PHACTR2: variants seen among roughly 807,000 people sequenced by gnomAD.
PHACTR2 encodes the protein chromosome 6 open reading frame 56.
Under a neutral mutation model 76.0 loss-of-function variants are expected in PHACTR2, and 30 were observed. That is an observed-to-expected ratio of 0.39 (90% CI 0.30 to 0.54). The LOEUF (loss-of-function observed/expected upper bound fraction) is 0.54, where lower values mean the gene tolerates loss of function less well. PHACTR2 is among the 20% of genes least tolerant of loss of function. The pLI is 0.61. For synonymous variants in PHACTR2, 292 were observed against 292.5 expected (o/e 1.00, Z 0.02); for missense variants, 696 against 781.1 (o/e 0.89, Z 1.30).
intron 5 of PHACTR2, among the ~76,000 whole-genome samples, chr6:143,762,392 A>C (rs1779463405): frequency 6.6e-6 from 1 of 151,914 alleles, no homozygotes; most frequent in Non-Finnish European, 1.5e-5. Flanking sequence ...TTATTTAGGC[A>C]CTCATGATGC....
At chr6:143,650,894 CA>C (rs1776752428) in intron 1 of PHACTR2, among the ~76,000 whole-genome samples, 1 of 152,038 alleles carries the variant, frequency 6.6e-6, no homozygotes, top group African/African-American at 2.4e-5. Context: ...AATGAACAGA[CA>C]ACCTACAGAA....
intron 1 of PHACTR2, among the ~76,000 whole-genome samples, chr6:143,637,658 G>A (rs1424483488): frequency 6.6e-6 from 1 of 152,238 alleles, no homozygotes; most frequent in Admixed American, 6.5e-5. Context: ...GTGGAGGCTT[G>A]ACTGGGGAAA....
chr6:143,575,431 T>C (rs1775494584), intron 1 of PHACTR2, among the ~76,000 whole-genome samples: 1 of 152,238 alleles, frequency 6.6e-6, no homozygotes, highest in Non-Finnish European at 1.5e-5. Context: ...ATCTGTCCTT[T>C]ATATTCTTGA....
intron 9 of PHACTR2, among the ~76,000 whole-genome samples, chr6:143,779,004 T>C (rs963489794): frequency 5.9e-5 from 9 of 152,246 alleles, no homozygotes; most frequent in African/African-American, 2.2e-4. Flanking sequence ...CCAGCCCTTT[T>C]TTTCCTTCCT....
chr6:143,624,614 T>G lies in PHACTR2; in HGVS notation c.13+16292T>G, dbSNP rs1258682264. Among the ~76,000 whole-genome samples, 4 of 152,166 alleles carry G rather than the reference T, an allele frequency of 2.6e-5. No individual in the cohort carries two copies. In the East Asian group the frequency reaches 5.8e-4, roughly 22 times the overall value. The stretch of plus-strand genomic sequence containing the variant: ...GCAGTTTATTTTCATGGTATGCGGC[T>G]TTTTTCACATGGCTAAATTCCAGCC... On this transcript the variant is annotated intron_variant, in intron 1 of 11. Transcript: ENST00000305766. This position sits in a 1 kb window ranked among gnomAD's most constrained non-coding sequence, Gnocchi z 4.6.
In PHACTR2 at chr6:143,818,695, G is replaced by A. The variant is rs1032370312; in HGVS notation, c.1923-4979G>A. On this transcript the variant is annotated intron_variant, in intron 12 of 12. Coordinates refer to ENST00000440869, the MANE Select transcript of PHACTR2 (RefSeq NM_001100164.2). This position sits in a 1 kb window ranked among gnomAD's most constrained non-coding sequence, Gnocchi z 4.9. ...GGCAGCAGGAGAGAGAATGAGTGCC[G>A]AGTGCAGGGAGAAGCCCAATCAGAT... Among the ~76,000 whole-genome samples the A allele has an allele frequency of 7.8e-4, 119 of 152,096 alleles. 1 individual carries two copies. Among genetic ancestry groups the A allele is most frequent in the Non-Finnish European group, 2.1e-4 (14 of 68,024 alleles).
At chr6:143,714,201 C>G (rs1261634351) in intron 2 of PHACTR2, among the ~76,000 whole-genome samples, 1 of 152,132 alleles carries the variant, frequency 6.6e-6, no homozygotes, top group Non-Finnish European at 1.5e-5. Context: ...ATGAAGTACA[C>G]CTTAGGCCAG....
At chr6:143,670,194 G>A (rs1218546240) in intron 1 of PHACTR2, among the ~76,000 whole-genome samples, 2 of 152,196 alleles carry the variant, frequency 1.3e-5, no homozygotes, top group African/African-American at 4.8e-5. Context: ...GGCTTGTAGG[G>A]TTTATGCAGA....
intron 12 of PHACTR2, among the ~76,000 whole-genome samples, chr6:143,813,906 C>T (rs1776240892): frequency 6.6e-6 from 1 of 152,136 alleles, no homozygotes; most frequent in African/African-American, 2.4e-5. Flanking sequence ...ACACGTATAA[C>T]TTTTGATTCT....
intron 2 of PHACTR2, among the ~76,000 whole-genome samples, chr6:143,713,863 C>T (rs1778241131): frequency 6.6e-6 from 1 of 152,148 alleles, no homozygotes; most frequent in Admixed American, 6.5e-5. Context: ...TGGCTCTTCA[C>T]GTTACCAAGA....
chr6:143,630,757 C>A (rs1398612583), intron 1 of PHACTR2, among the ~76,000 whole-genome samples: 1 of 152,156 alleles, frequency 6.6e-6, no homozygotes, highest in African/African-American at 2.4e-5. Flanking sequence ...AAAATTGAAA[C>A]TAATAAGTGA....
At chr6:143,593,684 A>C (rs1414901711) in intron 1 of PHACTR2, among the ~76,000 whole-genome samples, 1 of 152,172 alleles carries the variant, frequency 6.6e-6, no homozygotes, top group African/African-American at 2.4e-5. Context: ...AATGTAGATC[A>C]CTGAAATGTT....
chr6:143,608,751 G>C lies in PHACTR2; in HGVS notation c.13+429G>C, dbSNP rs1335938831. Among the ~76,000 whole-genome samples, 1 of 152,170 alleles carries C rather than the reference G, an allele frequency of 6.6e-6. No individual in the cohort carries two copies. The highest frequency in any genetic ancestry group is 2.4e-5 in the African/African-American group (1 of 41,426). ...AGTGTAACAGCATAAGAGCTCTTTG[G>C]TCTGATGCTTTCATCTTCACGTTAG... On this transcript the variant is annotated intron_variant, in intron 1 of 11. Coordinates refer to the PHACTR2 transcript ENST00000305766. The surrounding 1 kb of genome is among the most constrained non-coding windows in gnomAD (Gnocchi z 4.6).
rs1163271183 is a variant in PHACTR2, at chr6:143,764,614, T to C, written c.695-647T>C. 6.6e-6 allele frequency among the ~76,000 whole-genome samples: 1 copy of C among 152,100 alleles called. No individual in the cohort carries two copies. Among genetic ancestry groups the C allele is most frequent in the Admixed American group, 6.5e-5 (1 of 15,274 alleles). ...TTTGATGCTTTGAAGGGAGTGTACC[T>C]TTCCTGTGTGGCCATGGGTTTTCCC... On this transcript the variant is annotated intron_variant, in intron 5 of 12. Transcript: ENST00000440869. The surrounding 1 kb of genome is among the most constrained non-coding windows in gnomAD (Gnocchi z 4.7).
rs192986665 is a variant in PHACTR2 at position 143,763,144 on chromosome 6, A to T, written c.695-2117A>T. Among the ~76,000 whole-genome samples the T allele has an allele frequency of 3.3e-5, 5 of 152,288 alleles. No homozygotes were observed. In the East Asian group the frequency reaches 9.7e-4, roughly 29 times the overall value. ...GAGGCCGAGGCAGGTGGATCACCTGAGGTCAAGAGTTCGAGACCAGCCTGT... is the reference window on the plus strand; with the variant it reads ...GAGGCCGAGGCAGGTGGATCACCTGTGGTCAAGAGTTCGAGACCAGCCTGT... On this transcript the variant is annotated intron_variant, in intron 5 of 12. Coordinates refer to ENST00000440869, the MANE Select transcript of PHACTR2 (RefSeq NM_001100164.2).
At position 143,634,920 on chromosome 6, in the gene PHACTR2, A is replaced by AT. The variant is rs797010837; in HGVS notation, c.13+26608dup. Among the ~76,000 whole-genome samples, 1,326 of 149,558 alleles carry AT rather than the reference A, an allele frequency of 8.9e-3. 18 individuals are homozygous for AT. Among genetic ancestry groups the AT allele is most frequent in the African/African-American group, 0.028 (1,132 of 40,958 alleles). On this transcript the variant is annotated intron_variant, in intron 1 of 11. Transcript: ENST00000305766. ...CACCAATATTTTAAATCATTTTCTCATTTTTTTTTTAGAAAGGAAAGACTA... is the reference window on the plus strand; with the variant it reads ...CACCAATATTTTAAATCATTTTCTCATTTTTTTTTTTAGAAAGGAAAGACTA...
chr6:143,629,883 G>C (rs1430247415), intron 1 of PHACTR2, among the ~76,000 whole-genome samples: 2 of 152,212 alleles, frequency 1.3e-5, no homozygotes, highest in East Asian at 3.9e-4. Flanking sequence ...TCATTGCTGG[G>C]AACAACCTGT....
upstream of PHACTR2, among the ~76,000 whole-genome samples, chr6:143,673,813 T>C (rs1777196767): frequency 6.6e-6 from 1 of 152,034 alleles, no homozygotes; most frequent in Admixed American, 6.6e-5. Flanking sequence ...ACCCCGCCTC[T>C]GCAGAGACTC....
chr6:143,765,176 T>A lies in PHACTR2; in HGVS notation c.695-85T>A. ...CAAACTTTAAAGGGAACATTTTAAA[T>A]GTTGTTGACAGTTACACCTTGGTTA... On this transcript the variant is annotated intron_variant, in intron 5 of 12. Transcript: ENST00000440869. This position sits in a 1 kb window ranked among gnomAD's most constrained non-coding sequence, Gnocchi z 4.1. 1 of 1,018,210 alleles carries A rather than the reference T, an allele frequency of 9.8e-7. No homozygotes were observed. The highest frequency in any genetic ancestry group is 1.6e-5 in the South Asian group (1 of 64,018). The allele number at this position is 1,018,210 out of a possible 1,614,324, so 63.1% of individuals were successfully genotyped here. A position where few individuals can be genotyped will look rare whatever the true frequency, so the allele number is the denominator to read the frequency against.
Sources: gnomAD v4.1 joint callset for allele counts (sites outside exome capture counted in the v4.1 genomes callset) on GRCh38, gnomAD v4.1.1 for gene constraint, Gnocchi (gnomAD v3.1) non-coding constraint, MANE v1.5 for transcripts, NCBI Gene and HGNC (gene_info 2026-07-23, HGNC 2026-07-21) for gene names.